The following AATF variants were observed in gnomAD, a reference collection of about 807,000 sequenced individuals.
AATF encodes the protein protein AATF.
AATF carries 48 observed loss-of-function variants against 63.7 expected under a neutral mutation model. The observed-to-expected ratio is 0.75, with a 90% CI of 0.60 to 0.96. AATF has a LOEUF of 0.96. AATF is among the 40% of genes least tolerant of loss of function. The pLI is 0.00. For synonymous variants in AATF, 258 were observed against 247.7 expected (o/e 1.04, Z -0.39); for missense variants, 639 against 685.7 (o/e 0.93, Z 0.76).
chr17:37,019,228 C>T (rs937050030), intron 9 of AATF, among the ~76,000 whole-genome samples, 156 bp downstream of exon 9: 1 of 152,126 alleles, frequency 6.6e-6, no homozygotes, highest in Non-Finnish European at 1.5e-5. Flanking sequence ...AATTGTTTAC[C>T]CTACATTGCC....
chr17:37,018,798 T>C (rs17139110), intron 8 of AATF, among the ~76,000 whole-genome samples: 5,726 of 152,308 alleles, frequency 0.038, 358 homozygotes, highest in African/African-American at 0.13. Context: ...ACTTCTGTTC[T>C]CAGCTACTGC....
In AATF at chr17:37,048,405, C is replaced by CTT. The variant is rs536332134; in HGVS notation, c.1620-8193_1620-8192dup. Among the ~76,000 whole-genome samples, 182 of 104,760 alleles carry CTT rather than the reference C, an allele frequency of 1.7e-3. 1 individual carries two copies. Among genetic ancestry groups the CTT allele is most frequent in the African/African-American group, 7.0e-3 (180 of 25,636 alleles). The allele number at this position is 104,760 out of a possible 152,430, so 68.7% of individuals were successfully genotyped here. A position where few individuals can be genotyped will look rare whatever the true frequency, so the allele number is the denominator to read the frequency against. ...TTTTTTTTTTAGATGGAGTCTCACTCTTTTGCCCAGGCTGGAGTGCAATGG... is the reference window on the plus strand; with the variant it reads ...TTTTTTTTTTAGATGGAGTCTCACTCTTTTTTGCCCAGGCTGGAGTGCAATGG... On this transcript the variant is annotated intron_variant, in intron 11 of 11. Transcript: ENST00000619387.
chr17:36,966,002 A>C (rs73283974), intron 4 of AATF, among the ~76,000 whole-genome samples: 3,146 of 152,218 alleles, frequency 0.021, 119 homozygotes, highest in African/African-American at 0.071. Context: ...CTAAACATTT[A>C]CCTTAGTAAG....
intron 8 of AATF, among the ~76,000 whole-genome samples, chr17:36,992,481 C>A (rs1297279845): frequency 1.3e-5 from 2 of 152,068 alleles, no homozygotes; most frequent in African/African-American, 2.4e-5. Context: ...GGGAGACAAT[C>A]AAAAATGTTC....
intron 8 of AATF, among the ~76,000 whole-genome samples, chr17:36,994,862 C>T (rs900695916): frequency 4.6e-5 from 7 of 152,158 alleles, no homozygotes; most frequent in African/African-American, 1.2e-4. Flanking sequence ...ACACTAGTGG[C>T]GTGCCAGTCC....
chr17:37,022,113 C>CGTGTTTGT (rs1555652537), intron 10 of AATF, among the ~76,000 whole-genome samples: 1 of 145,334 alleles, frequency 6.9e-6, no homozygotes, highest in Admixed American at 6.9e-5. Flanking sequence ...TGGTAACTGC[C>CGTGTTTGT]GTGTGTGTGT....
At position 36,985,794 on chromosome 17, in the gene AATF, C is replaced by T. The variant is rs966941724; in HGVS notation, c.833-823C>T. On this transcript the variant is annotated intron_variant, in intron 4 of 11. Transcript: ENST00000619387. ...TCAAACTCCTGACCTTGTGATCCACCCGTCTCGGCCTCCCAAAGTGTTGGG... is the reference window on the plus strand; with the variant it reads ...TCAAACTCCTGACCTTGTGATCCACTCGTCTCGGCCTCCCAAAGTGTTGGG... Among the ~76,000 whole-genome samples, 11 of 152,120 alleles carry T rather than the reference C, an allele frequency of 7.2e-5. No homozygotes were observed. The East Asian group carries it at 2.1e-3, about 29-fold the overall frequency.
intron 11 of AATF, among the ~76,000 whole-genome samples, chr17:37,040,259 T>A (rs2071626379): frequency 1.3e-5 from 2 of 152,214 alleles, no homozygotes; most frequent in African/African-American, 4.8e-5. Flanking sequence ...CCCACAGTGA[T>A]CACTGAGCCA....
At chr17:37,007,967 A>G (rs1026387535) in intron 8 of AATF, among the ~76,000 whole-genome samples, 1 of 152,214 alleles carries the variant, frequency 6.6e-6, no homozygotes, top group African/African-American at 2.4e-5. Flanking sequence ...AACCCATAGC[A>G]TACTTTTTAA....
At chr17:37,025,068 A>T (rs887905616) in intron 10 of AATF, among the ~76,000 whole-genome samples, 1 of 152,224 alleles carries the variant, frequency 6.6e-6, no homozygotes, top group African/African-American at 2.4e-5. Context: ...TATACAGGTG[A>T]GTAGTTCTTA....
chr17:37,056,770 G>A lies in AATF; in HGVS notation c.*106G>A. The A allele has an allele frequency of 1.6e-6, 2 of 1,268,784 alleles. No homozygotes were observed. The highest frequency in any genetic ancestry group is 2.4e-5 in the East Asian group (1 of 42,182). The allele number at this position is 1,268,784 out of a possible 1,614,324, so 78.6% of individuals were successfully genotyped here. On this transcript the variant is annotated 3_prime_UTR_variant, in exon 12 of 12. Coordinates refer to ENST00000619387, the MANE Select transcript of AATF (RefSeq NM_012138.4). ...GGGCTGAGCTAGTAGGGAAGCCCCTGGAAAGATGCTGCGTTCCGAACCTGT... is the reference window on the plus strand; with the variant it reads ...GGGCTGAGCTAGTAGGGAAGCCCCTAGAAAGATGCTGCGTTCCGAACCTGT...
chr17:37,011,744 C>T (rs1169025517), intron 8 of AATF, among the ~76,000 whole-genome samples: 2 of 152,054 alleles, frequency 1.3e-5, no homozygotes, highest in Non-Finnish European at 2.9e-5. Flanking sequence ...GTGTCAGTTG[C>T]TGCTTCAAGA....
At chr17:36,998,725 GAAC>G (rs1223117108) in intron 8 of AATF, 3 of 152,086 alleles carry the variant, frequency 2.0e-5, no homozygotes, top group East Asian at 1.9e-4. Flanking sequence ...CTGTCTCTAA[GAAC>G]AACAACAAAA....
In AATF at chr17:36,949,091, G is replaced by A. The variant is rs567913791; in HGVS notation, c.-35G>A. 4 of 1,528,872 alleles carry A rather than the reference G, an allele frequency of 2.6e-6. No individual in the cohort carries two copies. The highest frequency in any genetic ancestry group is 3.6e-6 in the Non-Finnish European group (4 of 1,126,590). The allele number at this position is 1,528,872 out of a possible 1,614,324, so 94.7% of individuals were successfully genotyped here. A position where few individuals can be genotyped will look rare whatever the true frequency, so the allele number is the denominator to read the frequency against. ...GCCGGGGGTTGGGCCGCACATTTAC[G>A]TGCGCGAAGCGGAGTGGACCGGGAG... is the stretch of plus-strand genomic sequence containing the variant. On this transcript the variant is annotated 5_prime_UTR_variant, in exon 1 of 12. It adds an upstream start codon to the 5' untranslated region. Coordinates refer to ENST00000619387, the MANE Select transcript of AATF (RefSeq NM_012138.4).
intron 11 of AATF, among the ~76,000 whole-genome samples, chr17:37,040,214 T>C (rs1329116260): frequency 6.6e-6 from 1 of 152,218 alleles, no homozygotes; most frequent in Non-Finnish European, 1.5e-5. Flanking sequence ...TTTTTCACCT[T>C]AATTTAGTTA....
chr17:37,031,110 C>G (rs894600807), intron 10 of AATF, among the ~76,000 whole-genome samples: 12 of 152,090 alleles, frequency 7.9e-5, no homozygotes, highest in African/African-American at 2.9e-4. Flanking sequence ...TACAGTCAGC[C>G]CTACATATTT....
intron 5 of AATF, 50 bp from the exon 6 acceptor site, chr17:36,988,469 C>G (rs1370211548): frequency 6.4e-7 from 1 of 1,571,690 alleles, no homozygotes; most frequent in East Asian, 2.3e-5. Flanking sequence ...TTTTTAAAAT[C>G]TAAGTAATGT....
Position 36,988,647 on chromosome 17 carries a change from T to G in AATF, c.1076T>G (p.Phe359Cys), listed in dbSNP as rs755912243. 2.2e-5 allele frequency: 35 copies of G among 1,614,002 alleles called. 2 individuals are homozygous for G. In the South Asian group the frequency reaches 3.8e-4, roughly 18 times the overall value. ...TTCATGGCAAAGCGCTTTGCCGACT[T>G]TACAGTCTACAGGAACCGCACACTT... ...PSFMAKRFAD[F>C]TVYRNRTLQK... Residue 359 changes from phenylalanine (F) to cysteine (C), a missense_variant, in exon 6 of 12, where the codon TTT becomes TGT. Transcript: ENST00000619387.
At chr17:37,002,904 T>G (rs962742503) in intron 8 of AATF, among the ~76,000 whole-genome samples, 9 of 35,418 alleles carry the variant, frequency 2.5e-4, no homozygotes, top group South Asian at 2.1e-3. Context: ...CCTGTTGCTG[T>G]TTTTTTTTTT....
Sources: gnomAD v4.1 joint callset for allele counts (sites outside exome capture counted in the v4.1 genomes callset) on GRCh38, gnomAD v4.1.1 for gene constraint, MANE v1.5 for transcripts, NCBI Gene and HGNC (gene_info 2026-07-23, HGNC 2026-07-21) for gene names.